Variants in NYAP2 observed in about 807,000 individuals in gnomAD.
The protein encoded by NYAP2 is neuronal tyrosine-phosphorylated phosphoinositide-3-kinase adapter 2.
A neutral mutation model predicts 50.4 loss-of-function variants in NYAP2; 23 were observed. The observed-to-expected ratio is 0.46, with a 90% CI of 0.33 to 0.65. The LOEUF (loss-of-function observed/expected upper bound fraction) is 0.65. Ranked by LOEUF, NYAP2 falls within the 30% of genes least tolerant of loss-of-function variation. NYAP2 has a pLI of 0.02. For synonymous variants in NYAP2, 394 were observed against 365.2 expected (o/e 1.08, Z -0.90); for missense variants, 885 against 861.0 (o/e 1.03, Z -0.35).
chr2:225,438,008 CCTCT>C (rs151266414), intron 3 of NYAP2, among the ~76,000 whole-genome samples: 296 of 150,844 alleles, frequency 2.0e-3, no homozygotes, highest in African/African-American at 6.7e-3. Flanking sequence ...TCATTCTTGC[CCTCT>C]CTCTCTCTCT....
chr2:225,556,716 A>C (rs976109048), intron 4 of NYAP2, among the ~76,000 whole-genome samples: 4 of 151,870 alleles, frequency 2.6e-5, no homozygotes, highest in African/African-American at 4.8e-5. Flanking sequence ...TCCTAGGAAC[A>C]GCTCTACACT....
At chr2:225,499,458 G>A (rs1275586434) in intron 3 of NYAP2, among the ~76,000 whole-genome samples, 2 of 150,656 alleles carry the variant, frequency 1.3e-5, no homozygotes, top group African/African-American at 2.4e-5. Context: ...GACTACAGGC[G>A]CCCGCTACTG....
At chr2:225,559,250 T>C (rs1691828175) in intron 4 of NYAP2, among the ~76,000 whole-genome samples, 1 of 151,996 alleles carries the variant, frequency 6.6e-6, no homozygotes, top group Admixed American at 6.6e-5. Context: ...TTCTGAAATA[T>C]GAGTGTCAGT....
intron 3 of NYAP2, among the ~76,000 whole-genome samples, chr2:225,466,778 G>C (rs565467011): frequency 6.6e-6 from 1 of 152,280 alleles, no homozygotes; most frequent in East Asian, 1.9e-4. Flanking sequence ...GAGAGAATTT[G>C]TATTTGGTAT....
chr2:225,512,819 T>TTCTC lies in NYAP2; in HGVS notation c.222-536_222-533dup, dbSNP rs145877640. ...CCCTCCCTCTCTTTCTTTTCTTTCT[T>TTCTC]TCTCTCTCTCTCTCTCTCTTTCTTT... On this transcript the variant is annotated intron_variant, in intron 3 of 6. Coordinates refer to ENST00000636099, the Ensembl canonical transcript of NYAP2. Among the ~76,000 whole-genome samples, 16 of 71,446 alleles carry TTCTC rather than the reference T, an allele frequency of 2.2e-4. 2 individuals carry two copies. Among genetic ancestry groups the TTCTC allele is most frequent in the Middle Eastern group, 9.3e-3 (1 of 108 alleles). 46.9% of individuals were successfully genotyped at this position (71,446 alleles called of 152,430 possible).
In NYAP2 at chr2:225,457,929, G is replaced by A. The variant is rs116833144; in HGVS notation, c.221+48828G>A. Among the ~76,000 whole-genome samples the A allele has an allele frequency of 2.4e-3, 358 of 152,090 alleles. 2 individuals are homozygous for A. The highest frequency in any genetic ancestry group is 8.2e-3 in the African/African-American group (339 of 41,490). On this transcript the variant is annotated intron_variant, in intron 3 of 6. Transcript: ENST00000636099. The stretch of plus-strand genomic sequence containing the variant: ...TGTTTTTTTAGAACAAAAGCATTTG[G>A]TCATGCAGAAATAATGTAGAATCAT...
intron 3 of NYAP2, among the ~76,000 whole-genome samples, chr2:225,457,049 T>G (rs913316025): frequency 6.6e-6 from 1 of 152,174 alleles, no homozygotes; most frequent in African/African-American, 2.4e-5. Context: ...AATGGCGGTA[T>G]TTGTCCAAGA....
chr2:225,541,606 T>C (rs1043759727), intron 4 of NYAP2, among the ~76,000 whole-genome samples: 3 of 152,190 alleles, frequency 2.0e-5, no homozygotes, highest in African/African-American at 7.2e-5. Context: ...ACTTTAGATA[T>C]ATGAATTTGT....
intron 4 of NYAP2, among the ~76,000 whole-genome samples, chr2:225,520,848 A>G (rs1345210704): frequency 1.3e-5 from 2 of 152,156 alleles, no homozygotes; most frequent in African/African-American, 2.4e-5. Flanking sequence ...TATTGAATCT[A>G]TAAATTACCT....
intron 3 of NYAP2, among the ~76,000 whole-genome samples, chr2:225,461,714 T>C (rs1689836619): frequency 6.6e-6 from 1 of 152,204 alleles, no homozygotes; most frequent in Non-Finnish European, 1.5e-5. Flanking sequence ...TCTCCATGGA[T>C]TGGAGATAAG....
chr2:225,682,712 A>G, the NYAP2 span, among the ~76,000 whole-genome samples: 1 of 152,200 alleles, frequency 6.6e-6, no homozygotes, highest in African/African-American at 2.4e-5. Flanking sequence ...AGTAGCAGGC[A>G]TGCTTCATCT....
intron 4 of NYAP2, among the ~76,000 whole-genome samples, chr2:225,545,819 G>T (rs1019662653): frequency 1.3e-5 from 2 of 152,202 alleles, no homozygotes; most frequent in South Asian, 4.1e-4. Flanking sequence ...GGGCTTGTTT[G>T]TGCCTGTCCT....
At chr2:225,539,972 C>A (rs1435460536) in intron 4 of NYAP2, among the ~76,000 whole-genome samples, 2 of 152,174 alleles carry the variant, frequency 1.3e-5, no homozygotes, top group Non-Finnish European at 2.9e-5. Flanking sequence ...CCACATATCT[C>A]TAGGGCAGGG....
intron 3 of NYAP2, among the ~76,000 whole-genome samples, chr2:225,497,226 T>C (rs1690522062): frequency 6.6e-6 from 1 of 152,214 alleles, no homozygotes; most frequent in African/African-American, 2.4e-5. Context: ...ATAGGTAATT[T>C]TGCCACCTAT....
At chr2:225,520,415 T>C (rs998397820) in intron 4 of NYAP2, among the ~76,000 whole-genome samples, 1 of 152,220 alleles carries the variant, frequency 6.6e-6, no homozygotes, top group South Asian at 2.1e-4. Flanking sequence ...GGTCTAACAT[T>C]TAAGTCTTTA....
intron 3 of NYAP2, among the ~76,000 whole-genome samples, chr2:225,449,952 T>A (rs1440591248): frequency 6.6e-6 from 1 of 152,132 alleles, no homozygotes; most frequent in African/African-American, 2.4e-5. Context: ...TATGCACCAT[T>A]CCTGTATCTG....
chr2:225,656,391 G>T, downstream of NYAP2, among the ~76,000 whole-genome samples: 1 of 152,078 alleles, frequency 6.6e-6, no homozygotes, highest in African/African-American at 2.4e-5. Flanking sequence ...TTGTCTCTTC[G>T]GGATTACTTA....
intron 6 of NYAP2, among the ~76,000 whole-genome samples, chr2:225,642,629 G>C (rs1273540158): frequency 5.9e-5 from 9 of 152,100 alleles, no homozygotes; most frequent in Non-Finnish European, 8.8e-5. Flanking sequence ...GTCCATCCCT[G>C]TACCAGTCAA....
intron 3 of NYAP2, among the ~76,000 whole-genome samples, chr2:225,416,421 A>G (rs936250741): frequency 2.6e-5 from 4 of 152,142 alleles, no homozygotes; most frequent in African/African-American, 9.7e-5. Context: ...GGAAAAGTTA[A>G]TCTAAGGAGT....
Sources: gnomAD v4.1 joint callset for allele counts (sites outside exome capture counted in the v4.1 genomes callset) on GRCh38, gnomAD v4.1.1 for gene constraint, MANE v1.5 for transcripts, NCBI Gene and HGNC (gene_info 2026-07-23, HGNC 2026-07-21) for gene names.